The following LIN28B variants were observed in gnomAD, a reference collection of about 807,000 sequenced individuals.
The protein encoded by LIN28B is protein lin-28 homolog B.
Under a neutral mutation model 21.9 loss-of-function variants are expected in LIN28B, and 5 were observed. That is an observed-to-expected ratio of 0.23 (90% CI 0.12 to 0.48). LIN28B has a LOEUF of 0.48. LIN28B is among the 20% of genes least tolerant of loss of function. LIN28B has a pLI of 0.98. For missense variants in LIN28B, 245 were observed against 310.5 expected, an observed-to-expected ratio of 0.79 and a Z score of 1.58; for synonymous variants, 109 against 111.3, an observed-to-expected ratio of 0.98 and a Z score of 0.13.
At chr6:104,988,486 C>T (rs1770394160) in intron 2 of LIN28B, among the ~76,000 whole-genome samples, 1 of 150,748 alleles carries the variant, frequency 6.6e-6, no homozygotes, top group Admixed American at 6.6e-5. Flanking sequence ...ACCAGTGCAG[C>T]CACTTGGCCT....
chr6:105,075,593 A>AGG (rs1019629247), intron 3 of LIN28B, among the ~76,000 whole-genome samples: 16 of 152,362 alleles, frequency 1.1e-4, no homozygotes, highest in South Asian at 2.1e-4. Context: ...AGGAAAGCCA[A>AGG]GGGGGTGAAT....
chr6:105,053,932 C>T (rs1272912490), intron 3 of LIN28B, among the ~76,000 whole-genome samples: 2 of 152,094 alleles, frequency 1.3e-5, no homozygotes, highest in African/African-American at 4.8e-5. Flanking sequence ...TTAGTAGAGA[C>T]AGGGTTTCAC....
rs111263545 is a variant in LIN28B at position 105,074,821 on chromosome 6, C to T, written c.384-3593C>T. 1.5e-3 allele frequency among the ~76,000 whole-genome samples: 222 copies of T among 152,250 alleles called. 2 individuals carry two copies. The highest frequency in any genetic ancestry group is 4.5e-3 in the African/African-American group (187 of 41,574). ...CCCTGGATCAAGCAATTCTCCTGCC[C>T]CAGCCTCCTGAGTAGCTGGAACTAC... On this transcript the variant is annotated intron_variant, in intron 3 of 3. Coordinates refer to ENST00000345080, the MANE Select transcript of LIN28B (RefSeq NM_001004317.4).
intron 2 of LIN28B, among the ~76,000 whole-genome samples, chr6:105,013,607 G>A (rs1770966799): frequency 1.3e-5 from 2 of 151,644 alleles, no homozygotes; most frequent in African/African-American, 4.8e-5. Context: ...GCATGTGCCT[G>A]TTGTCCCAGC....
chr6:105,036,125 T>G (rs1771516498), intron 3 of LIN28B, among the ~76,000 whole-genome samples: 1 of 152,206 alleles, frequency 6.6e-6, no homozygotes, highest in African/African-American at 2.4e-5. Context: ...CTTTTTTTCA[T>G]TGTAACTCCG....
intron 2 of LIN28B, among the ~76,000 whole-genome samples, chr6:104,947,671 A>G (rs1187515934): frequency 6.6e-6 from 1 of 151,300 alleles, no homozygotes; most frequent in Admixed American, 6.6e-5. Context: ...GTATATATGT[A>G]TTTTATATTT....
At chr6:105,013,580 A>G (rs951060576) in intron 2 of LIN28B, among the ~76,000 whole-genome samples, 15 of 152,072 alleles carry the variant, frequency 9.9e-5, no homozygotes, top group Non-Finnish European at 5.9e-5. Flanking sequence ...TCTACAAAAA[A>G]TAAGCCCGGT....
upstream of LIN28B, among the ~76,000 whole-genome samples, chr6:104,956,560 T>C (rs2114562438): frequency 6.6e-6 from 1 of 152,334 alleles, no homozygotes; most frequent in East Asian, 1.9e-4. Context: ...TAGGTGTATG[T>C]TTTCATTATC....
At position 104,958,289 on chromosome 6, in the gene LIN28B, A is replaced by G. The variant is rs768033758; in HGVS notation, c.198+3A>G. The G allele has an allele frequency of 4.5e-6, 7 of 1,539,592 alleles. No homozygotes were observed. The South Asian group carries it at 7.6e-5, about 17-fold the overall frequency. On this transcript the variant is annotated splice_donor_region_variant and intron_variant, in intron 2 of 3. Coordinates refer to ENST00000345080, the MANE Select transcript of LIN28B (RefSeq NM_001004317.4). Reference sequence around the variant, plus strand: ...CAGTCGATGTATTTGTACACCAAGTAAGCCAAACTTTTTTGTCCCCCTCTT... The same window carrying G: ...CAGTCGATGTATTTGTACACCAAGTGAGCCAAACTTTTTTGTCCCCCTCTT...
chr6:104,954,285 CAT>C (rs1435680997), upstream of LIN28B, among the ~76,000 whole-genome samples: 1 of 152,116 alleles, frequency 6.6e-6, no homozygotes, highest in Non-Finnish European at 1.5e-5. Context: ...CTAGAAGACT[CAT>C]AGGACGACTT....
intron 2 of LIN28B, among the ~76,000 whole-genome samples, chr6:104,971,853 C>T (rs1262150483): frequency 6.6e-6 from 1 of 152,058 alleles, no homozygotes; most frequent in Non-Finnish European, 1.5e-5. Context: ...ATGATCCTCC[C>T]TCATTTGTCA....
At chr6:105,052,951 T>A (rs1449128011) in intron 3 of LIN28B, among the ~76,000 whole-genome samples, 2 of 152,140 alleles carry the variant, frequency 1.3e-5, no homozygotes, top group Admixed American at 1.3e-4. Flanking sequence ...GTGGCTTCTT[T>A]AGGTAAAAAC....
At chr6:105,078,281 T>C in intron 3 of LIN28B, 133 bp from the exon 4 acceptor site, 2 of 826,440 alleles carry the variant, frequency 2.4e-6, no homozygotes, top group Non-Finnish European at 1.9e-6. Flanking sequence ...GTATAAACAA[T>C]GATAAATGCT....
chr6:105,056,251 A>C (rs1772020862), intron 3 of LIN28B, among the ~76,000 whole-genome samples: 1 of 112,374 alleles, frequency 8.9e-6, no homozygotes, highest in South Asian at 3.9e-4. Flanking sequence ...GCTTCTTTTC[A>C]TGCGTAGTAA....
At chr6:105,057,316 A>G (rs1482404801) in intron 3 of LIN28B, among the ~76,000 whole-genome samples, 1 of 152,212 alleles carries the variant, frequency 6.6e-6, no homozygotes, top group Non-Finnish European at 1.5e-5. Flanking sequence ...ATGTCTCAGC[A>G]TGAGGTTGAA....
chr6:104,977,681 C>A (rs570674409), intron 2 of LIN28B, among the ~76,000 whole-genome samples: 1 of 152,116 alleles, frequency 6.6e-6, no homozygotes, highest in East Asian at 1.9e-4. Flanking sequence ...GATTCTCCTG[C>A]CTCAGCCTCC....
chr6:105,038,200 T>A (rs1317588912), intron 3 of LIN28B, among the ~76,000 whole-genome samples: 1 of 152,210 alleles, frequency 6.6e-6, no homozygotes, highest in Non-Finnish European at 1.5e-5. Flanking sequence ...GATTTAGACC[T>A]TATACGTTAT....
chr6:104,970,000 T>G (rs1769941890), intron 2 of LIN28B, among the ~76,000 whole-genome samples: 1 of 152,150 alleles, frequency 6.6e-6, no homozygotes, highest in Admixed American at 6.5e-5. Flanking sequence ...CACTGGACAT[T>G]GGATACTCCT....
intron 2 of LIN28B, among the ~76,000 whole-genome samples, chr6:104,943,031 T>C (rs187309136): frequency 1.4e-5 from 2 of 145,538 alleles, no homozygotes. Context: ...GTTGTGAAAT[T>C]AGTCAAGATT....
Sources: allele counts gnomAD v4.1 joint callset (sites outside exome capture counted in the v4.1 genomes callset), GRCh38; gene constraint gnomAD v4.1.1; transcripts MANE v1.5; gene names NCBI Gene and HGNC (gene_info 2026-07-23, HGNC 2026-07-21).